IGSF11: variants seen among roughly 807,000 people sequenced by gnomAD.
The protein encoded by IGSF11 is immunoglobulin superfamily member 11.
IGSF11 carries 22 observed loss-of-function variants against 41.0 expected under a neutral mutation model. The observed-to-expected ratio is 0.54, with a 90% confidence interval of 0.38 to 0.77. The LOEUF is 0.77. IGSF11 is among the 30% of genes least tolerant of loss of function. The probability of loss-of-function intolerance (pLI) is 0.00; values close to 1 mark genes in which losing one functional copy is unlikely to be tolerated. For synonymous variants in IGSF11, 219 were observed against 201.3 expected, an observed-to-expected ratio of 1.09 and a Z score of -0.74; for missense variants, 444 against 530.8, an observed-to-expected ratio of 0.84 and a Z score of 1.61.
Position 119,034,514 on chromosome 3 carries a change from G to T in IGSF11, c.52+17C>A. ...CCGGCCTGGCCCCACCGGGAAGAAA[G>T]GGCTGGAGCTACTCACCGTGCAGAG... is the stretch of plus-strand genomic sequence containing the variant. On this transcript the variant is annotated intron_variant, in intron 1 of 6. Transcript: ENST00000393775. 1 of 1,561,346 alleles carries T rather than the reference G, an allele frequency of 6.4e-7. No individual in the cohort carries two copies. The highest frequency in any genetic ancestry group is 1.4e-5 in the African/African-American group (1 of 72,258).
At chr3:118,985,119 T>C in intron 1 of IGSF11, among the ~76,000 whole-genome samples, 1 of 152,194 alleles carries the variant, frequency 6.6e-6, no homozygotes, top group Non-Finnish European at 1.5e-5. Context: ...GGCATCAGAA[T>C]ATATGCTGAG....
chr3:119,028,386 T>C (rs555146713), intron 1 of IGSF11, among the ~76,000 whole-genome samples: 2 of 152,284 alleles, frequency 1.3e-5, no homozygotes, highest in South Asian at 4.1e-4. Flanking sequence ...TTGTATATAG[T>C]AATGTAGGGA....
chr3:118,955,564 G>A (rs968865615), intron 1 of IGSF11, among the ~76,000 whole-genome samples: 4 of 152,088 alleles, frequency 2.6e-5, no homozygotes, highest in Admixed American at 6.6e-5. Context: ...AGCTCCATCA[G>A]CACTCTTGGC....
At chr3:118,925,107 AT>A (rs1942175289) in intron 4 of IGSF11, among the ~76,000 whole-genome samples, 1 of 152,154 alleles carries the variant, frequency 6.6e-6, no homozygotes, top group South Asian at 2.1e-4. Context: ...TTTTTAAATG[AT>A]GAATTTGAGG....
chr3:118,949,661 A>G (rs75204529), intron 1 of IGSF11, among the ~76,000 whole-genome samples: 3,976 of 152,322 alleles, frequency 0.026, 146 homozygotes, highest in African/African-American at 0.09. Context: ...TTAGGTGGGC[A>G]TTGCTGCTGT....
Position 118,902,608 on chromosome 3 carries a change from G to A in IGSF11, c.1208C>T (p.Ser403Phe), listed in dbSNP as rs1559863374. The A allele has an allele frequency of 6.2e-7, 1 of 1,614,044 alleles. No homozygotes were observed. Among genetic ancestry groups the A allele is most frequent in the Non-Finnish European group, 8.5e-7 (1 of 1,179,962 alleles). The change falls in exon 7 of 7, where the codon TCC becomes TTC. Residue 403 changes from serine to phenylalanine, a missense_variant. By Grantham distance (155) the Ser-to-Phe change is radical. Coordinates refer to ENST00000393775, the MANE Select transcript of IGSF11 (RefSeq NM_001015887.3). ...SRKPRPPHTH[S>F]YTISHATLER... The stretch of plus-strand genomic sequence containing the variant: ...CAGTGTTGCGTGGCTGATGGTGTAG[G>A]AATGAGTGTGTGGAGGCCGAGGCTT...
chr3:119,116,768 A>T (rs1014379240), intron 1 of IGSF11, among the ~76,000 whole-genome samples: 2 of 152,202 alleles, frequency 1.3e-5, no homozygotes, highest in African/African-American at 4.8e-5. Context: ...TAACACCATT[A>T]TGGTAGATTG....
intron 1 of IGSF11, among the ~76,000 whole-genome samples, chr3:118,975,428 T>C (rs1933978197): frequency 6.6e-6 from 1 of 151,942 alleles, no homozygotes; most frequent in African/African-American, 2.4e-5. Flanking sequence ...AATCATATAC[T>C]TCCACAAACC....
chr3:119,130,658 T>C (rs892939323), intron 1 of IGSF11, among the ~76,000 whole-genome samples: 11 of 151,984 alleles, frequency 7.2e-5, no homozygotes, highest in African/African-American at 2.2e-4. Flanking sequence ...AGCAGACAAC[T>C]TCTGCAGACT....
At chr3:118,937,548 T>G (rs1943373944) in intron 1 of IGSF11, among the ~76,000 whole-genome samples, 1 of 152,176 alleles carries the variant, frequency 6.6e-6, no homozygotes, top group African/African-American at 2.4e-5. Context: ...TCAATTATAT[T>G]TTGGCCATCT....
intron 1 of IGSF11, among the ~76,000 whole-genome samples, chr3:119,018,367 T>C (rs1026372761): frequency 6.6e-6 from 1 of 152,222 alleles, no homozygotes; most frequent in Non-Finnish European, 1.5e-5. Flanking sequence ...AGGTCTGTTA[T>C]AAGATTTGCT....
intron 1 of IGSF11, among the ~76,000 whole-genome samples, chr3:119,085,602 T>G (rs543360260): frequency 7.2e-5 from 11 of 152,186 alleles, no homozygotes; most frequent in African/African-American, 2.7e-4. Context: ...CTCATCAACA[T>G]CCAGGTGAAA....
intron 1 of IGSF11, among the ~76,000 whole-genome samples, chr3:119,101,478 T>C (rs1290153527): frequency 6.6e-6 from 1 of 152,032 alleles, no homozygotes; most frequent in Non-Finnish European, 1.5e-5. Context: ...CATCCCGCAC[T>C]CCAGCCTGGG....
intron 1 of IGSF11, among the ~76,000 whole-genome samples, chr3:119,076,404 G>A (rs1037723745): frequency 1.3e-5 from 2 of 152,180 alleles, no homozygotes; most frequent in Non-Finnish European, 2.9e-5. Context: ...AGCCAAAATT[G>A]ACAAATGGGA....
At chr3:118,941,350 T>C (rs1943685361) in intron 1 of IGSF11, among the ~76,000 whole-genome samples, 1 of 152,150 alleles carries the variant, frequency 6.6e-6, no homozygotes, top group Non-Finnish European at 1.5e-5. Context: ...ATAGAAAGTA[T>C]ACAAATGAGT....
intron 1 of IGSF11, among the ~76,000 whole-genome samples, chr3:118,974,723 C>T (rs1195035238): frequency 6.6e-6 from 1 of 152,126 alleles, no homozygotes; most frequent in African/African-American, 2.4e-5. Context: ...AACTTCTTAG[C>T]GTTGAAAATC....
In IGSF11 at chr3:119,072,393, A is replaced by C. The variant is rs2076414126; in HGVS notation, c.49+32751T>G. Among the ~76,000 whole-genome samples the C allele has an allele frequency of 2.0e-5, 3 of 152,318 alleles. No homozygotes were observed. In the South Asian group the frequency reaches 6.2e-4, roughly 32 times the overall value. On this transcript the variant is annotated intron_variant, in intron 1 of 6. Coordinates refer to the IGSF11 transcript ENST00000354673. ...TTATGACTCCTTTAATTGCTTGCCA[A>C]TGTATCTTTAAGAGTTAGGTTGTGT...
chr3:119,000,418 G>A (rs911176140), intron 1 of IGSF11, among the ~76,000 whole-genome samples: 5 of 151,240 alleles, frequency 3.3e-5, no homozygotes, highest in Middle Eastern at 3.4e-3. Context: ...GAGTTTGCAC[G>A]CCTCAAATGA....
At chr3:119,001,113 T>C (rs963745133) in intron 1 of IGSF11, among the ~76,000 whole-genome samples, 3 of 152,090 alleles carry the variant, frequency 2.0e-5, no homozygotes, top group Non-Finnish European at 2.9e-5. Flanking sequence ...CCCCTAGATG[T>C]CTGCATGGCT....
Sources: gnomAD v4.1 joint callset for allele counts (sites outside exome capture counted in the v4.1 genomes callset) on GRCh38, gnomAD v4.1.1 for gene constraint, MANE v1.5 for transcripts, NCBI Gene and HGNC (gene_info 2026-07-23, HGNC 2026-07-21) for gene names.